The following TRIM36 variants were observed in gnomAD, a reference collection of about 807,000 sequenced individuals.
TRIM36 encodes E3 ubiquitin-protein ligase TRIM36.
TRIM36 carries 42 observed loss-of-function variants against 72.4 expected under a neutral mutation model. The observed-to-expected ratio is 0.58, with a 90% CI of 0.45 to 0.75. The LOEUF is 0.75. TRIM36 is among the 30% of genes least tolerant of loss of function. The probability of loss-of-function intolerance (pLI) is 0.00; values close to 1 mark genes in which losing one functional copy is unlikely to be tolerated. For missense variants in TRIM36, 913 were observed against 857.1 expected (o/e 1.07, Z -0.81); for synonymous variants, 315 against 282.8 (o/e 1.11, Z -1.14).
upstream of TRIM36, chr5:115,180,259 G>T: frequency 4.1e-6 from 2 of 484,586 alleles, no homozygotes; most frequent in South Asian, 5.6e-5. Flanking sequence ...GCTAGGATCC[G>T]GGTGCAGCGG....
intron 2 of TRIM36, among the ~76,000 whole-genome samples, chr5:115,155,356 A>T (rs1038627257): frequency 9.2e-5 from 14 of 152,336 alleles, no homozygotes; most frequent in African/African-American, 3.1e-4. Context: ...TCTCAAAAAT[A>T]AAAATAAAAA....
intron 2 of TRIM36, among the ~76,000 whole-genome samples, chr5:115,151,455 C>A (rs1753891245): frequency 6.6e-6 from 1 of 152,138 alleles, no homozygotes; most frequent in East Asian, 1.9e-4. Flanking sequence ...ACCCTGGTAA[C>A]TGAAGACAAA....
chr5:115,163,107 G>A (rs11241316), intron 2 of TRIM36, among the ~76,000 whole-genome samples: 45,836 of 151,670 alleles, frequency 0.3, 7,078 homozygotes, highest in Non-Finnish European at 0.34. Context: ...ACAGGCACGC[G>A]TCACCACACC....
At chr5:115,142,225 C>A (rs1178130803) in intron 4 of TRIM36, among the ~76,000 whole-genome samples, 1 of 152,062 alleles carries the variant, frequency 6.6e-6, no homozygotes, top group African/African-American at 2.4e-5. Context: ...GGGTGCTCAA[C>A]AAGAGGGCAC....
chr5:115,134,542 A>T (rs1454908092), intron 7 of TRIM36, among the ~76,000 whole-genome samples: 1 of 110,358 alleles, frequency 9.1e-6, no homozygotes, highest in African/African-American at 2.7e-5. Flanking sequence ...CAAACTCTCA[A>T]TGAATTTTTT....
intron 1 of TRIM36, among the ~76,000 whole-genome samples, chr5:115,178,241 A>T (rs549774659): frequency 6.6e-6 from 1 of 152,348 alleles, no homozygotes; most frequent in South Asian, 2.1e-4. Flanking sequence ...TGAGCGCCAT[A>T]GGACAAAATT....
intron 2 of TRIM36, among the ~76,000 whole-genome samples, chr5:115,147,695 C>A (rs1753670846): frequency 6.6e-6 from 1 of 151,014 alleles, no homozygotes; most frequent in South Asian, 2.1e-4. Context: ...TAATACAATA[C>A]TACATGGCGT....
chr5:115,175,932 C>T (rs1461509474), intron 1 of TRIM36, among the ~76,000 whole-genome samples: 1 of 152,136 alleles, frequency 6.6e-6, no homozygotes. Context: ...CGAGACCAGC[C>T]TGGCCAACAT....
intron 3 of TRIM36, among the ~76,000 whole-genome samples, chr5:115,145,020 T>C (rs1416340118): frequency 6.6e-6 from 1 of 152,210 alleles, no homozygotes; most frequent in Non-Finnish European, 1.5e-5. Flanking sequence ...ATAGATGTTA[T>C]TTCTCCAAAA....
At chr5:115,158,025 G>A (rs779705829) in intron 2 of TRIM36, among the ~76,000 whole-genome samples, 7 of 152,126 alleles carry the variant, frequency 4.6e-5, no homozygotes, top group African/African-American at 7.2e-5. Context: ...GATACTGCTC[G>A]GGTTATGGGT....
In TRIM36 at chr5:115,133,909, G is replaced by T. The variant is rs777817315; in HGVS notation, c.1449C>A (p.Ile483=). Residue 483 remains isoleucine, a synonymous_variant, in exon 8 of 10, where the codon ATC becomes ATA. Transcript: ENST00000513154. ...TCAATTCTCTGCTGCAAGGACTACA[G>T]ATTGAACCCTTGTAAGCTCTTACTC... ...AFRVRAYKGS[I]CSPCSRELIL... 1 of 1,612,894 alleles carries T rather than the reference G, an allele frequency of 6.2e-7. No individual in the cohort carries two copies. Among genetic ancestry groups the T allele is most frequent in the African/African-American group, 1.3e-5 (1 of 75,020 alleles).
chr5:115,169,035 C>T (rs1419089602), intron 1 of TRIM36: 1 of 152,362 alleles, frequency 6.6e-6, no homozygotes. Context: ...GTGGCGGCTC[C>T]CTCAATTAAG....
intron 2 of TRIM36, among the ~76,000 whole-genome samples, chr5:115,154,087 G>C (rs985740484): frequency 3.0e-5 from 4 of 134,086 alleles, no homozygotes; most frequent in Non-Finnish European, 6.5e-5. Context: ...TGAGCACAGG[G>C]TCAAAAAAAA....
At chr5:115,143,357 A>T (rs1753390181) in intron 4 of TRIM36, among the ~76,000 whole-genome samples, 1 of 152,140 alleles carries the variant, frequency 6.6e-6, no homozygotes, top group Admixed American at 6.6e-5. Flanking sequence ...CCTGCCTCAC[A>T]AAAGACCCAA....
intron 2 of TRIM36, among the ~76,000 whole-genome samples, chr5:115,162,203 G>C (rs181777750): frequency 3.3e-4 from 51 of 152,252 alleles, no homozygotes; most frequent in African/African-American, 9.4e-4. Flanking sequence ...ACCATTCTAA[G>C]TTTCCCCTCT....
chr5:115,177,889 C>CAGAG, intron 1 of TRIM36: 4 of 1,599,442 alleles, frequency 2.5e-6, no homozygotes, highest in Non-Finnish European at 3.4e-6. Context: ...AAGAGAGAGA[C>CAGAG]AGAGAGAGAG....
intron 2 of TRIM36, among the ~76,000 whole-genome samples, chr5:115,153,146 C>T (rs1257950978): frequency 6.6e-6 from 1 of 152,076 alleles, no homozygotes; most frequent in Non-Finnish European, 1.5e-5. Context: ...AAGAGACTCA[C>T]CTAACACATA....
intron 9 of TRIM36, 83 bp from the exon 10 acceptor site, chr5:115,126,940 A>C (rs1752390207): frequency 1.5e-6 from 2 of 1,295,626 alleles, no homozygotes; most frequent in African/African-American, 3.0e-5. Flanking sequence ...ATATACATTG[A>C]TGTAAAGTTA....
intron 2 of TRIM36, among the ~76,000 whole-genome samples, chr5:115,151,658 T>A (rs1753902249): frequency 6.6e-6 from 1 of 152,120 alleles, no homozygotes; most frequent in South Asian, 2.1e-4. Context: ...TCAGAACAGG[T>A]GCTGGTGGTA....
Sources: gnomAD v4.1 joint callset for allele counts (sites outside exome capture counted in the v4.1 genomes callset) on GRCh38, gnomAD v4.1.1 for gene constraint, MANE v1.5 for transcripts, NCBI Gene and HGNC (gene_info 2026-07-23, HGNC 2026-07-21) for gene names.